KCNIP4: variants seen among roughly 807,000 people sequenced by gnomAD.
KCNIP4 encodes the protein potassium voltage-gated channel interacting protein 4, also known as Kv channel-interacting protein 4.
In KCNIP4, 12 loss-of-function variants were observed where a neutral mutation model predicts 34.0. The ratio of observed to expected loss-of-function variants is 0.35; its 90% CI spans 0.23 to 0.57. The LOEUF is 0.57. Among genes scored for constraint, KCNIP4 ranks in the 20% least tolerant of loss-of-function variants. KCNIP4 has a pLI of 0.83. For synonymous variants in KCNIP4, 124 were observed against 102.2 expected (o/e 1.21, Z -1.29); for missense variants, 238 against 311.7 (o/e 0.76, Z 1.78).
At chr4:21,535,435 T>G (rs1363474546) in intron 1 of KCNIP4, among the ~76,000 whole-genome samples, 2 of 152,196 alleles carry the variant, frequency 1.3e-5, no homozygotes, top group Non-Finnish European at 2.9e-5. Flanking sequence ...AGGTCTACCA[T>G]CTCAAATTAG....
chr4:21,566,676 C>A (rs559437988), intron 1 of KCNIP4, among the ~76,000 whole-genome samples: 1 of 152,192 alleles, frequency 6.6e-6, no homozygotes, highest in African/African-American at 2.4e-5. Context: ...GACTAATACA[C>A]TTATACAAGG....
At chr4:20,895,419 T>C (rs760781482) in intron 1 of KCNIP4, among the ~76,000 whole-genome samples, 1 of 152,140 alleles carries the variant, frequency 6.6e-6, no homozygotes, top group Non-Finnish European at 1.5e-5. Flanking sequence ...TTTTTTCATC[T>C]GAAAAATGGG....
intron 1 of KCNIP4, among the ~76,000 whole-genome samples, chr4:21,131,142 G>A (rs1324103914): frequency 6.6e-6 from 1 of 152,024 alleles, no homozygotes; most frequent in Non-Finnish European, 1.5e-5. Flanking sequence ...TAACCAAAAA[G>A]CAAAAGCAAT....
At chr4:20,786,177 C>A (rs555111116) in intron 3 of KCNIP4, among the ~76,000 whole-genome samples, 1 of 151,984 alleles carries the variant, frequency 6.6e-6, no homozygotes, top group South Asian at 2.1e-4. Context: ...CATTACCCTA[C>A]GTAAACTCAC....
intron 1 of KCNIP4, among the ~76,000 whole-genome samples, chr4:21,529,245 A>C (rs1736452261): frequency 6.6e-6 from 1 of 152,208 alleles, no homozygotes; most frequent in Admixed American, 6.5e-5. Context: ...CCCAGAATCA[A>C]GACAGAATAG....
intron 1 of KCNIP4, among the ~76,000 whole-genome samples, chr4:21,081,617 T>A (rs1746013650): frequency 6.6e-6 from 1 of 151,880 alleles, no homozygotes; most frequent in South Asian, 2.1e-4. Flanking sequence ...CTGATAAGAA[T>A]AACATTTCAA....
intron 1 of KCNIP4, among the ~76,000 whole-genome samples, chr4:21,510,120 T>A (rs1351420094): frequency 1.3e-5 from 2 of 148,410 alleles, no homozygotes; most frequent in Non-Finnish European, 3.0e-5. Context: ...CTGTCTCATA[T>A]CATGTAAAAT....
At chr4:21,737,574 T>A (rs116828413) in intron 1 of KCNIP4, among the ~76,000 whole-genome samples, 1,848 of 152,256 alleles carry the variant, frequency 0.012, 36 homozygotes, top group African/African-American at 0.042. Flanking sequence ...AAAACAAGAA[T>A]GCATTCATAT....
In KCNIP4 at chr4:21,199,411, G is replaced by A. The variant is rs1756303502; in HGVS notation, c.62-316702C>T. ...ATATCCTTCCCCCACTTTTTGATGG[G>A]GTTGTTTGATTTTTTCTTGTAAATT... On this transcript the variant is annotated intron_variant, in intron 1 of 8. Coordinates refer to ENST00000382152, the MANE Select transcript of KCNIP4 (RefSeq NM_025221.6). 2.0e-5 allele frequency among the ~76,000 whole-genome samples: 3 copies of A among 152,100 alleles called. 1 individual carries two copies. The highest frequency in any genetic ancestry group is 4.4e-5 in the Non-Finnish European group (3 of 68,020).
At chr4:21,271,629 G>C (rs1762148244) in intron 1 of KCNIP4, among the ~76,000 whole-genome samples, 1 of 152,164 alleles carries the variant, frequency 6.6e-6, no homozygotes. Context: ...AGGATATAAA[G>C]ATGGGAGAGG....
chr4:20,772,767 G>T (rs1423026835), intron 3 of KCNIP4, among the ~76,000 whole-genome samples: 3 of 151,564 alleles, frequency 2.0e-5, no homozygotes, highest in Non-Finnish European at 4.4e-5. Context: ...TCAGCCTCCT[G>T]AATAGCTGGG....
At chr4:21,072,624 T>C (rs1243336613) in intron 1 of KCNIP4, among the ~76,000 whole-genome samples, 2 of 152,198 alleles carry the variant, frequency 1.3e-5, no homozygotes, top group African/African-American at 4.8e-5. Context: ...TAGTCTCTTT[T>C]GCTGTGCAGA....
intron 3 of KCNIP4, among the ~76,000 whole-genome samples, chr4:20,807,916 A>G (rs1715283652): frequency 6.6e-6 from 1 of 152,128 alleles, no homozygotes; most frequent in Non-Finnish European, 1.5e-5. Flanking sequence ...TACATCTAAC[A>G]AGTTTCACAG....
intron 1 of KCNIP4, among the ~76,000 whole-genome samples, chr4:21,743,448 A>G (rs1716562802): frequency 6.6e-6 from 1 of 150,832 alleles, no homozygotes; most frequent in African/African-American, 2.4e-5. Context: ...TGATTACATC[A>G]GGCTCACCCA....
At chr4:21,588,952 A>T (rs956751243) in intron 1 of KCNIP4, among the ~76,000 whole-genome samples, 2 of 151,402 alleles carry the variant, frequency 1.3e-5, no homozygotes, top group African/African-American at 4.8e-5. Context: ...TCATCCATTC[A>T]GAAGCAGATG....
At chr4:21,796,438 C>G (rs1415236322) in intron 1 of KCNIP4, among the ~76,000 whole-genome samples, 1 of 152,192 alleles carries the variant, frequency 6.6e-6, no homozygotes, top group African/African-American at 2.4e-5. Context: ...TGGTCCTTCT[C>G]TGTCTGATCT....
At chr4:21,850,994 A>G (rs749320312) in intron 1 of KCNIP4, 4 of 152,210 alleles carry the variant, frequency 2.6e-5, no homozygotes, top group Non-Finnish European at 4.4e-5. Context: ...ACATAATGAC[A>G]TAGGAAAAAA....
At chr4:20,787,552 A>C (rs1712172091) in intron 3 of KCNIP4, among the ~76,000 whole-genome samples, 1 of 152,106 alleles carries the variant, frequency 6.6e-6, no homozygotes, top group Admixed American at 6.6e-5. Flanking sequence ...AATGTAAATA[A>C]GTCTGTATCT....
At chr4:20,859,706 G>T (rs1461801667) in intron 2 of KCNIP4, among the ~76,000 whole-genome samples, 1 of 152,092 alleles carries the variant, frequency 6.6e-6, no homozygotes, top group Non-Finnish European at 1.5e-5. Flanking sequence ...TACAGTAGAA[G>T]CTTGGTACAG....
Sources: allele counts gnomAD v4.1 joint callset (sites outside exome capture counted in the v4.1 genomes callset), GRCh38; gene constraint gnomAD v4.1.1; transcripts MANE v1.5; gene names NCBI Gene and HGNC (gene_info 2026-07-23, HGNC 2026-07-21).